The following TDRD15 variants were observed in gnomAD, a reference collection of about 807,000 sequenced individuals.
The protein encoded by TDRD15 is tudor domain containing 15, also known as tudor domain-containing protein 15.
For missense variants in TDRD15, 1,416 were observed against 904.7 expected, an observed-to-expected ratio of 1.57 and a Z score of -7.25; for synonymous variants, 503 against 314.5, an observed-to-expected ratio of 1.60 and a Z score of -6.34.
downstream of TDRD15, among the ~76,000 whole-genome samples, chr2:21,146,633 C>T (rs146482476): frequency 1.5e-3 from 225 of 152,154 alleles, no homozygotes; most frequent in African/African-American, 5.2e-3. Context: ...GCTAATGAGG[C>T]AGTGCTTAAT....
intron 3 of TDRD15, 93 bp from the exon 4 acceptor site, chr2:21,137,372 A>G (rs1665827593): frequency 3.9e-6 from 2 of 515,382 alleles, no homozygotes; most frequent in South Asian, 3.7e-5. Flanking sequence ...ATACAGGCAT[A>G]TAATTATTTT....
intron 2 of TDRD15, among the ~76,000 whole-genome samples, chr2:21,130,664 C>G (rs1389847388): frequency 4.6e-5 from 7 of 151,990 alleles, no homozygotes; most frequent in Admixed American, 4.6e-4. Context: ...CGTGAATAAA[C>G]TTGGCATCTT....
In TDRD15 at chr2:21,142,445, T is replaced by A; in HGVS notation, c.4978T>A (p.Leu1660Met). The A allele has an allele frequency of 1.4e-6, 1 of 708,536 alleles. No individual in the cohort carries two copies. Among genetic ancestry groups the A allele is most frequent in the Non-Finnish European group, 2.6e-6 (1 of 381,756 alleles). 43.9% of individuals were successfully genotyped at this position (708,536 alleles called of 1,614,324 possible). ...NISFECLFAD[L>M]EINILFLKYL... is the part of the protein sequence containing the mutation. ...ATCATTTGAGTGCTTATTTGCTGATTTGGAAATAAATATTCTTTTCCTGAA... is the reference window on the plus strand; with the variant it reads ...ATCATTTGAGTGCTTATTTGCTGATATGGAAATAAATATTCTTTTCCTGAA... The change falls in exon 4 of 4, where the codon TTG (leucine) becomes ATG (methionine). Residue 1660 changes from leucine to methionine, a missense_variant. Leu to Met is a conservative substitution (Grantham distance 15). Coordinates refer to ENST00000405799, the MANE Select transcript of TDRD15 (RefSeq NM_001306137.2).
At chr2:21,130,595 C>G (rs76576784) in intron 2 of TDRD15, among the ~76,000 whole-genome samples, 3,948 of 152,200 alleles carry the variant, frequency 0.026, 165 homozygotes, top group African/African-American at 0.09. Flanking sequence ...TGACTTCATT[C>G]TTTTGCATGT....
rs1665851967 is a variant in TDRD15 at position 21,138,328 on chromosome 2, C to G, written c.861C>G (p.Pro287=). 1 of 716,394 alleles carries G rather than the reference C, an allele frequency of 1.4e-6. No individual in the cohort carries two copies. The highest frequency in any genetic ancestry group is 1.7e-5 in the African/African-American group (1 of 57,160). The allele number at this position is 716,394 out of a possible 1,614,324, so 44.4% of individuals were successfully genotyped here. A position where few individuals can be genotyped will look rare whatever the true frequency, so the allele number is the denominator to read the frequency against. Residue 287 remains proline, a synonymous_variant, in exon 4 of 4, where the codon CCC becomes CCG. Transcript: ENST00000405799. The stretch of plus-strand genomic sequence containing the variant: ...ATACCGTCTGTCAAGAAACTAGTCC[C>G]ACGTGTGATAATTTTGGACTGCTTT... ...HYDTVCQETS[P]TCDNFGLLCV... is the part of the protein sequence containing the mutation.
chr2:21,126,317 A>G (rs1035402638), intron 1 of TDRD15, among the ~76,000 whole-genome samples: 1 of 151,924 alleles, frequency 6.6e-6, no homozygotes, highest in Non-Finnish European at 1.5e-5. Context: ...GTGTTTCAGC[A>G]TAATTACTTT....
At position 21,140,373 on chromosome 2, in the gene TDRD15, T is replaced by C. The variant is rs1665898000; in HGVS notation, c.2906T>C (p.Val969Ala). Residue 969 changes from valine (V) to alanine (A), a missense_variant, in exon 4 of 4, where the codon GTA becomes GCA. Transcript: ENST00000405799. ...FNIQIGSEEE[V>A]YISHIYSPQK... The stretch of plus-strand genomic sequence containing the variant: ...ATACAAATTGGAAGTGAAGAAGAAG[T>C]ATATATATCTCACATATATAGTCCC... The C allele has an allele frequency of 5.7e-6, 4 of 703,804 alleles. No individual in the cohort carries two copies. The highest frequency in any genetic ancestry group is 5.3e-5 in the African/African-American group (3 of 56,284). The allele number at this position is 703,804 out of a possible 1,614,324, so 43.6% of individuals were successfully genotyped here. A position where few individuals can be genotyped will look rare whatever the true frequency, so the allele number is the denominator to read the frequency against.
intron 2 of TDRD15, among the ~76,000 whole-genome samples, chr2:21,129,085 C>T (rs940778365): frequency 5.9e-5 from 9 of 152,186 alleles, no homozygotes; most frequent in East Asian, 5.8e-4. Context: ...CAGAGGTGCA[C>T]GTTACCATGC....
Position 21,141,232 on chromosome 2 carries a change from A to G in TDRD15, c.3765A>G (p.Ser1255=). The change falls in exon 4 of 4, where the codon TCA becomes TCG. Residue 1255 remains serine (S), a synonymous_variant. Coordinates refer to ENST00000405799, the MANE Select transcript of TDRD15 (RefSeq NM_001306137.2). Reference sequence around the variant, plus strand: ...AGAACAGGCGTGTGGGCCAAAAATCAGTAAAGGTTGTATCACAGTCTTTTA... The same window carrying G: ...AGAACAGGCGTGTGGGCCAAAAATCGGTAAAGGTTGTATCACAGTCTTTTA... ...ILENRRVGQK[S]VKVVSQSFIR... is the part of the protein sequence containing the mutation. 1 of 713,350 alleles carries G rather than the reference A, an allele frequency of 1.4e-6. No homozygotes were observed. Among genetic ancestry groups the G allele is most frequent in the Non-Finnish European group, 2.6e-6 (1 of 383,338 alleles). The allele number at this position is 713,350 out of a possible 1,614,324, so 44.2% of individuals were successfully genotyped here.
intron 2 of TDRD15, among the ~76,000 whole-genome samples, chr2:21,128,401 C>G (rs1249416899): frequency 3.3e-5 from 5 of 151,552 alleles, no homozygotes; most frequent in Admixed American, 2.0e-4. Context: ...CAGCTCACTG[C>G]AAACTCTGCC....
In TDRD15 at chr2:21,139,942, A is replaced by G. The variant is rs751938882; in HGVS notation, c.2475A>G (p.Ser825=). 5.6e-6 allele frequency: 4 copies of G among 716,016 alleles called. No individual in the cohort carries two copies. Among genetic ancestry groups the G allele is most frequent in the South Asian group, 4.4e-5 (3 of 67,558 alleles). 44.4% of individuals were successfully genotyped at this position (716,016 alleles called of 1,614,324 possible). A position where few individuals can be genotyped will look rare whatever the true frequency, so the allele number is the denominator to read the frequency against. Residue 825 remains serine, a synonymous_variant, in exon 4 of 4, where the codon TCA becomes TCG. Transcript: ENST00000405799. ...WCRAAVLTQV[S]KEVDIVFVDY... is the part of the protein sequence containing the mutation. ...GAGCTGCTGTTTTGACTCAAGTATC[A>G]AAAGAAGTTGACATAGTGTTTGTTG... is the stretch of plus-strand genomic sequence containing the variant.
rs138660561 is a variant in TDRD15, at chr2:21,135,818, G to A, written c.-4+971G>A. Among the ~76,000 whole-genome samples, 265 of 152,092 alleles carry A rather than the reference G, an allele frequency of 1.7e-3. 1 individual carries two copies. Among genetic ancestry groups the A allele is most frequent in the African/African-American group, 5.4e-3 (225 of 41,512 alleles). The stretch of plus-strand genomic sequence containing the variant: ...CCAGATGTTTACCCCTTCTGATGTG[G>A]AATTCCCCAGGAGTCCATCTGTATT... On this transcript the variant is annotated intron_variant, in intron 3 of 3. Coordinates refer to ENST00000405799, the MANE Select transcript of TDRD15 (RefSeq NM_001306137.2).
At chr2:21,126,529 G>T (rs1210000312) in intron 1 of TDRD15, among the ~76,000 whole-genome samples, 1 of 152,046 alleles carries the variant, frequency 6.6e-6, no homozygotes, top group Non-Finnish European at 1.5e-5. Context: ...ACCACGTCCG[G>T]CTAATTTTGT....
At position 21,142,460 on chromosome 2, in the gene TDRD15, C is replaced by A. The variant is rs139519402; in HGVS notation, c.4993C>A (p.Leu1665Ile). 191 of 706,038 alleles carry A rather than the reference C, an allele frequency of 2.7e-4. No individual in the cohort carries two copies. In the East Asian group the frequency reaches 4.0e-3, roughly 15 times the overall value. 43.7% of individuals were successfully genotyped at this position (706,038 alleles called of 1,614,324 possible). A position where few individuals can be genotyped will look rare whatever the true frequency, so the allele number is the denominator to read the frequency against. The stretch of plus-strand genomic sequence containing the variant: ...ATTTGCTGATTTGGAAATAAATATT[C>A]TTTTCCTGAAATATTTAGATGCTGT... ...CLFADLEINI[L>I]FLKYLDAVWE... The change falls in exon 4 of 4, where the codon CTT becomes ATT. Residue 1665 changes from leucine to isoleucine, a missense_variant. Leu to Ile is a conservative substitution (Grantham distance 5). Transcript: ENST00000405799.
chr2:21,137,083 CAGG>C (rs772555666), intron 3 of TDRD15, among the ~76,000 whole-genome samples: 2 of 151,986 alleles, frequency 1.3e-5, no homozygotes, highest in African/African-American at 2.4e-5. Flanking sequence ...GGTTGTCTCA[CAGG>C]AGGAGAAGGA....
Position 21,143,713 on chromosome 2 carries a change from T to A in TDRD15, c.*441T>A, listed in dbSNP as rs1665984292. Among the ~76,000 whole-genome samples, 1 of 151,746 alleles carries A rather than the reference T, an allele frequency of 6.6e-6. No homozygotes were observed. The highest frequency in any genetic ancestry group is 2.1e-4 in the South Asian group (1 of 4,826). ...AGACATTTTTATAAAGTAGATTATTTTCTGTAGATTCTTTTTATTTGATTC... is the reference window on the plus strand; with the variant it reads ...AGACATTTTTATAAAGTAGATTATTATCTGTAGATTCTTTTTATTTGATTC... On this transcript the variant is annotated 3_prime_UTR_variant, in exon 4 of 4. Transcript: ENST00000405799.
At position 21,142,300 on chromosome 2, in the gene TDRD15, T is replaced by C. The variant is rs1055929102; in HGVS notation, c.4833T>C (p.Asp1611=). Residue 1611 remains aspartate, a synonymous_variant, in exon 4 of 4, where the codon GAT becomes GAC. Transcript: ENST00000405799. ...VDDKVLVFLV[D]CGIYEIVPVC... ...ATAAAGTACTTGTTTTTTTAGTAGA[T>C]TGTGGTATCTATGAAATAGTACCTG... The C allele has an allele frequency of 7.3e-6, 5 of 688,824 alleles. No homozygotes were observed. The highest frequency in any genetic ancestry group is 1.3e-5 in the Non-Finnish European group (5 of 376,910). The allele number at this position is 688,824 out of a possible 1,614,324, so 42.7% of individuals were successfully genotyped here. A position where few individuals can be genotyped will look rare whatever the true frequency, so the allele number is the denominator to read the frequency against.
intron 2 of TDRD15, among the ~76,000 whole-genome samples, chr2:21,128,557 C>T (rs776376041): frequency 2.6e-5 from 4 of 152,028 alleles, no homozygotes; most frequent in Non-Finnish European, 4.4e-5. Flanking sequence ...CTCCTGACCT[C>T]GCAATCCACC....
At chr2:21,127,415 T>C (rs1023018794) in intron 1 of TDRD15, among the ~76,000 whole-genome samples, 186 bp from the exon 2 acceptor site, 3 of 152,234 alleles carry the variant, frequency 2.0e-5, no homozygotes, top group African/African-American at 7.2e-5. Context: ...TTTCTGTTTT[T>C]TTCTGAGAAG....
Sources: gnomAD v4.1 joint callset for allele counts (sites outside exome capture counted in the v4.1 genomes callset) on GRCh38, gnomAD v4.1.1 for gene constraint, MANE v1.5 for transcripts, NCBI Gene and HGNC (gene_info 2026-07-23, HGNC 2026-07-21) for gene names.